GALR1: variants seen among roughly 807,000 people sequenced by gnomAD.
GALR1 encodes galanin receptor type 1.
GALR1 carries 11 observed loss-of-function variants against 17.9 expected under a neutral mutation model. The observed-to-expected ratio is 0.62, with a 90% CI of 0.39 to 1.02. The LOEUF (loss-of-function observed/expected upper bound fraction) is 1.02. GALR1 is among the 50% of genes least tolerant of loss of function. The pLI is 0.01. For synonymous variants in GALR1, 206 were observed against 205.7 expected (o/e 1.00, Z -0.01); for missense variants, 441 against 456.9 (o/e 0.97, Z 0.32).
chr18:77,252,926 C>T (rs1568139074), intron 1 of GALR1, among the ~76,000 whole-genome samples: 1,777 of 43,914 alleles, frequency 0.04, 10 homozygotes, highest in East Asian at 0.078. Context: ...ACCACCATCA[C>T]CACCACCACC....
At position 77,250,760 on chromosome 18, in the gene GALR1, A is replaced by G. The variant is rs1350878956; in HGVS notation, c.212A>G (p.Asn71Ser). The G allele has an allele frequency of 2.5e-6, 4 of 1,613,948 alleles. No individual in the cohort carries two copies. The highest frequency in any genetic ancestry group is 2.7e-5 in the African/African-American group (2 of 75,044). Residue 71 changes from asparagine (N) to serine (S), a missense_variant, in exon 1 of 3, where the codon AAC (asparagine) becomes AGC (serine). Asn to Ser is a conservative substitution (Grantham distance 46). Coordinates refer to ENST00000299727, the MANE Select transcript of GALR1 (RefSeq NM_001480.4). Reference sequence around the variant, plus strand: ...CCGGGCAAGCCGCGGAGCACCACCAACCTGTTCATCCTCAACCTGAGCATC... The same window carrying G: ...CCGGGCAAGCCGCGGAGCACCACCAGCCTGTTCATCCTCAACCTGAGCATC... ...SKPGKPRSTTNLFILNLSIAD... is the reference protein window; with the variant it reads ...SKPGKPRSTTSLFILNLSIAD...
In GALR1 at chr18:77,250,710, G is replaced by T; in HGVS notation, c.162G>T (p.Val54=). 2.5e-6 allele frequency: 4 copies of T among 1,613,612 alleles called. No homozygotes were observed. The highest frequency in any genetic ancestry group is 3.4e-6 in the Non-Finnish European group (4 of 1,179,954). ...FALGVLGNSL[V]ITVLARSKPG... is the part of the protein sequence containing the mutation. ...TGGGTGTGCTGGGCAACAGCCTAGT[G>T]ATCACCGTGCTGGCGCGCAGCAAGC... The change falls in exon 1 of 3, where the codon GTG becomes GTT. Residue 54 remains valine, a synonymous_variant. Transcript: ENST00000299727.
At chr18:77,265,976 G>T (rs1040639549) in intron 2 of GALR1, among the ~76,000 whole-genome samples, 1 of 152,136 alleles carries the variant, frequency 6.6e-6, no homozygotes, top group Non-Finnish European at 1.5e-5. Flanking sequence ...TATTGTCTTG[G>T]TGATTAACAT....
intron 2 of GALR1, among the ~76,000 whole-genome samples, chr18:77,263,503 C>T (rs181395785): frequency 1.3e-5 from 2 of 152,300 alleles, no homozygotes; most frequent in African/African-American, 4.8e-5. Flanking sequence ...GGTCATACAA[C>T]CAGCTTATGG....
intron 2 of GALR1, among the ~76,000 whole-genome samples, chr18:77,260,252 C>G (rs909867059): frequency 8.5e-5 from 13 of 152,192 alleles, no homozygotes; most frequent in African/African-American, 3.1e-4. Context: ...GGCCCCTTCT[C>G]TCTGTATCCT....
intron 2 of GALR1, among the ~76,000 whole-genome samples, chr18:77,261,429 G>A (rs771551064): frequency 6.6e-6 from 1 of 152,120 alleles, no homozygotes; most frequent in Non-Finnish European, 1.5e-5. Flanking sequence ...AATCAGCCTC[G>A]TCCTCCACAG....
chr18:77,254,604 G>A (rs1182278584), intron 1 of GALR1, among the ~76,000 whole-genome samples: 1 of 152,176 alleles, frequency 6.6e-6, no homozygotes, highest in Non-Finnish European at 1.5e-5. Context: ...TTCCCATTGG[G>A]AAGGCTGCCA....
intron 2 of GALR1, among the ~76,000 whole-genome samples, chr18:77,266,414 A>G (rs1912944478): frequency 6.6e-6 from 1 of 152,224 alleles, no homozygotes; most frequent in African/African-American, 2.4e-5. Flanking sequence ...AAACTTTCCA[A>G]CATTTTCCTG....
chr18:77,255,825 T>C (rs1007955061), intron 1 of GALR1, among the ~76,000 whole-genome samples: 4 of 152,132 alleles, frequency 2.6e-5, no homozygotes, highest in Non-Finnish European at 2.9e-5. Flanking sequence ...AGGAAGACAA[T>C]AGTGTAATAA....
Position 77,259,163 on chromosome 18 carries a change from A to G in GALR1, c.732+2940A>G, listed in dbSNP as rs1206693366. On this transcript the variant is annotated intron_variant, in intron 2 of 2. Coordinates refer to ENST00000299727, the MANE Select transcript of GALR1 (RefSeq NM_001480.4). ...GGTCATGGTGGTCATGGTGGTGATGATGGTGGTGATGATGGTGGTGATGAT... is the reference window on the plus strand; with the variant it reads ...GGTCATGGTGGTCATGGTGGTGATGGTGGTGGTGATGATGGTGGTGATGAT... Among the ~76,000 whole-genome samples the G allele has an allele frequency of 9.1e-4, 2 of 2,200 alleles. 1 individual carries two copies. Among genetic ancestry groups the G allele is most frequent in the African/African-American group, 1.1e-3 (2 of 1,848 alleles). 1.4% of individuals were successfully genotyped at this position (2,200 alleles called of 152,430 possible).
In GALR1 at chr18:77,269,895, C is replaced by A. The variant is rs547322197; in HGVS notation, c.*993C>A. 6 of 151,914 alleles carry A rather than the reference C, an allele frequency of 3.9e-5. No homozygotes were observed. In the East Asian group the frequency reaches 1.2e-3, roughly 29 times the overall value. The allele number at this position is 151,914 out of a possible 1,614,324, so 9.4% of individuals were successfully genotyped here. ...TTTCATGTTTGATTTAGATGACATT[C>A]AAAAAAAATCATGGGACTGAATATA... On this transcript the variant is annotated 3_prime_UTR_variant, in exon 3 of 3. Transcript: ENST00000299727.
chr18:77,266,992 CT>C (rs1319181024), intron 2 of GALR1, among the ~76,000 whole-genome samples: 1 of 152,216 alleles, frequency 6.6e-6, no homozygotes, highest in African/African-American at 2.4e-5. Flanking sequence ...ACAGCCTGGA[CT>C]ATGTCTGAGA....
At position 77,259,311 on chromosome 18, in the gene GALR1, G is replaced by GTGGTGATGACGGTGA. The variant is rs1568142210; in HGVS notation, c.732+3090_732+3091insGTGATGACGGTGATG. Reference sequence around the variant, plus strand: ...GGTGGTCATGGTGGTGATGATGGTGGTGATGATGGTGGTCATGGTGGCGAT... The same window carrying GTGGTGATGACGGTGA: ...GGTGGTCATGGTGGTGATGATGGTGGTGGTGATGACGGTGATGATGATGGTGGTCATGGTGGCGAT... On this transcript the variant is annotated intron_variant, in intron 2 of 2. Coordinates refer to ENST00000299727, the MANE Select transcript of GALR1 (RefSeq NM_001480.4). 1.2e-3 allele frequency among the ~76,000 whole-genome samples: 24 copies of GTGGTGATGACGGTGA among 19,380 alleles called. 4 individuals are homozygous for GTGGTGATGACGGTGA. Among genetic ancestry groups the GTGGTGATGACGGTGA allele is most frequent in the Non-Finnish European group, 2.8e-3 (14 of 4,960 alleles). The allele number at this position is 19,380 out of a possible 152,430, so 12.7% of individuals were successfully genotyped here.
chr18:77,270,155 C>T lies in GALR1; in HGVS notation c.*1253C>T, dbSNP rs1400470073. 2 of 152,050 alleles carry T rather than the reference C, an allele frequency of 1.3e-5. No homozygotes were observed. Among genetic ancestry groups the T allele is most frequent in the Non-Finnish European group, 2.9e-5 (2 of 68,032 alleles). 9.4% of individuals were successfully genotyped at this position (152,050 alleles called of 1,614,324 possible). On this transcript the variant is annotated 3_prime_UTR_variant, in exon 3 of 3. Coordinates refer to ENST00000299727, the MANE Select transcript of GALR1 (RefSeq NM_001480.4). Reference sequence around the variant, plus strand: ...TTGTATCGGAAAAGTACTTTTCAGACTGTAAGACTTTGATATGTTTTAGGA... The same window carrying T: ...TTGTATCGGAAAAGTACTTTTCAGATTGTAAGACTTTGATATGTTTTAGGA...
In GALR1 at chr18:77,250,706, T is replaced by C; in HGVS notation, c.158T>C (p.Leu53Pro). ...IFALGVLGNS[L>P]VITVLARSKP... ...GCGCTGGGTGTGCTGGGCAACAGCC[T>C]AGTGATCACCGTGCTGGCGCGCAGC... Residue 53 changes from leucine to proline, a missense_variant, in exon 1 of 3, where the codon CTA becomes CCA. Coordinates refer to ENST00000299727, the MANE Select transcript of GALR1 (RefSeq NM_001480.4). 1 of 1,613,538 alleles carries C rather than the reference T, an allele frequency of 6.2e-7. No individual in the cohort carries two copies. Among genetic ancestry groups the C allele is most frequent in the Non-Finnish European group, 8.5e-7 (1 of 1,179,908 alleles).
intron 1 of GALR1, among the ~76,000 whole-genome samples, chr18:77,255,248 G>A (rs1487209356): frequency 6.6e-6 from 1 of 152,180 alleles, no homozygotes; most frequent in Non-Finnish European, 1.5e-5. Flanking sequence ...AGTTCTGCAG[G>A]CTTGACAACG....
Position 77,276,702 on chromosome 18 carries a change from C to A in GALR1, c.*7800C>A, listed in dbSNP as rs990018428. 3 of 152,172 alleles carry A rather than the reference C, an allele frequency of 2.0e-5. No individual in the cohort carries two copies. The highest frequency in any genetic ancestry group is 7.2e-5 in the African/African-American group (3 of 41,450). The allele number at this position is 152,172 out of a possible 1,614,324, so 9.4% of individuals were successfully genotyped here. Reference sequence around the variant, plus strand: ...AGAGCAGATAACCAATCAAATTGAGCAGATGGTCTTTTAAAGTCTAAGCTT... The same window carrying A: ...AGAGCAGATAACCAATCAAATTGAGAAGATGGTCTTTTAAAGTCTAAGCTT... On this transcript the variant is annotated 3_prime_UTR_variant, in exon 3 of 3. Coordinates refer to ENST00000299727, the MANE Select transcript of GALR1 (RefSeq NM_001480.4).
At chr18:77,259,953 G>C (rs1912792249) in intron 2 of GALR1, among the ~76,000 whole-genome samples, 2 of 152,070 alleles carry the variant, frequency 1.3e-5, no homozygotes, top group South Asian at 4.1e-4. Context: ...TCTCAGCACA[G>C]AAAATTGCTA....
intron 1 of GALR1, among the ~76,000 whole-genome samples, chr18:77,252,881 TCACCACCAC>T (rs1568138972): frequency 5.4e-5 from 3 of 55,256 alleles, no homozygotes; most frequent in Non-Finnish European, 7.3e-5. Flanking sequence ...ACCACCACCA[TCACCACCAC>T]CACCATCACC....
Sources: gnomAD v4.1 joint callset for allele counts (sites outside exome capture counted in the v4.1 genomes callset) on GRCh38, gnomAD v4.1.1 for gene constraint, MANE v1.5 for transcripts, NCBI Gene and HGNC (gene_info 2026-07-23, HGNC 2026-07-21) for gene names.